The following RXRA variants were observed in gnomAD, a reference collection of about 807,000 sequenced individuals.
RXRA encodes the protein retinoic acid receptor RXR-alpha.
In RXRA, 5 loss-of-function variants were observed where a neutral mutation model predicts 44.5. The ratio of observed to expected loss-of-function variants is 0.11; its 90% CI spans 0.06 to 0.24. The LOEUF is 0.24. Among genes scored for constraint, RXRA ranks in the 10% least tolerant of loss-of-function variants. The pLI is 1.00. For missense variants in RXRA, 412 were observed against 646.5 expected, an observed-to-expected ratio of 0.64 and a Z score of 3.93; for synonymous variants, 291 against 271.4, an observed-to-expected ratio of 1.07 and a Z score of -0.71.
chr9:134,348,610 A>G (rs1830183265), intron 1 of RXRA, among the ~76,000 whole-genome samples: 1 of 152,186 alleles, frequency 6.6e-6, no homozygotes, highest in Admixed American at 6.5e-5. Context: ...CCAGGCTTGA[A>G]CAGCCACCCT....
intron 6 of RXRA, chr9:134,424,602 C>T (rs756693527): frequency 9.9e-5 from 98 of 985,348 alleles, no homozygotes; most frequent in Non-Finnish European, 1.1e-4. Context: ...TTCTGTCTGC[C>T]GGGGCCAGCA....
chr9:134,350,982 G>C (rs572000166), intron 1 of RXRA, among the ~76,000 whole-genome samples: 1 of 152,242 alleles, frequency 6.6e-6, no homozygotes, highest in African/African-American at 2.4e-5. Context: ...AGCAAGGGGG[G>C]GCTGAGCATC....
chr9:134,369,648 C>T (rs76933335), intron 1 of RXRA, among the ~76,000 whole-genome samples: 2,337 of 152,098 alleles, frequency 0.015, 61 homozygotes, highest in African/African-American at 0.051. Flanking sequence ...CACCCAGGGC[C>T]TCCTCCCTGT....
intron 1 of RXRA, among the ~76,000 whole-genome samples, chr9:134,338,204 C>CCT (rs1447230321): frequency 2.0e-5 from 3 of 152,142 alleles, no homozygotes; most frequent in Non-Finnish European, 4.4e-5. Context: ...CCGGGGCCTC[C>CCT]CTGGGCCTCC....
chr9:134,383,987 T>C (rs1382080527), intron 1 of RXRA, among the ~76,000 whole-genome samples: 4 of 152,074 alleles, frequency 2.6e-5, no homozygotes, highest in Non-Finnish European at 4.4e-5. Flanking sequence ...ATTATGAGAC[T>C]AGCATGTGCC....
intron 1 of RXRA, among the ~76,000 whole-genome samples, chr9:134,371,529 C>T (rs1406739496): frequency 6.6e-6 from 1 of 152,278 alleles, no homozygotes; most frequent in Non-Finnish European, 1.5e-5. Context: ...CTTTCCATAA[C>T]ATGATCTCCC....
At chr9:134,352,883 C>A (rs1185323422) in intron 1 of RXRA, among the ~76,000 whole-genome samples, 7 of 152,304 alleles carry the variant, frequency 4.6e-5, no homozygotes, top group African/African-American at 1.4e-4. Context: ...CATGGGAGTT[C>A]TCTCCTGCTT....
intron 1 of RXRA, among the ~76,000 whole-genome samples, chr9:134,332,043 G>T (rs781949837): frequency 6.6e-6 from 1 of 152,230 alleles, no homozygotes; most frequent in Non-Finnish European, 1.5e-5. Flanking sequence ...CTGGGACTGG[G>T]CATCTTGGCC....
chr9:134,331,090 G>A (rs530040998), intron 1 of RXRA, among the ~76,000 whole-genome samples: 14 of 152,308 alleles, frequency 9.2e-5, no homozygotes, highest in African/African-American at 3.4e-4. Context: ...AGCCCTTTCT[G>A]TGGATATAGG....
chr9:134,393,697 C>G (rs1043442712), intron 1 of RXRA, among the ~76,000 whole-genome samples: 4 of 152,186 alleles, frequency 2.6e-5, no homozygotes, highest in Non-Finnish European at 5.9e-5. Context: ...CCTCATGCCC[C>G]AGTTAGTGAG....
intron 1 of RXRA, among the ~76,000 whole-genome samples, chr9:134,364,945 A>G (rs1404911345): frequency 6.6e-6 from 1 of 152,170 alleles, no homozygotes; most frequent in Non-Finnish European, 1.5e-5. Context: ...ATGAGGCCTC[A>G]TGTGGGTCCC....
intron 1 of RXRA, among the ~76,000 whole-genome samples, chr9:134,395,276 G>A (rs568575728): frequency 7.9e-5 from 12 of 152,370 alleles, no homozygotes; most frequent in African/African-American, 2.4e-4. Flanking sequence ...GCGGAGTCCC[G>A]CCTGGCCTCA....
Position 134,433,280 on chromosome 9 carries a change from T to C in RXRA, c.1136-822T>C, listed in dbSNP as rs1364183865. Among the ~76,000 whole-genome samples the C allele has an allele frequency of 6.6e-6, 1 of 152,014 alleles. No homozygotes were observed. Among genetic ancestry groups the C allele is most frequent in the African/African-American group, 2.4e-5 (1 of 41,384 alleles). ...GAATCCCCATTCAGGTCCTGTGTGG[T>C]CTGGTTGCTAGAGCTGGGGCACCAG... On this transcript the variant is annotated intron_variant, in intron 8 of 9. Transcript: ENST00000481739. The surrounding 1 kb of genome is among the most constrained non-coding windows in gnomAD (Gnocchi z 4.2).
At chr9:134,423,672 G>A (rs1275150945) in intron 6 of RXRA, 3 of 985,378 alleles carry the variant, frequency 3.0e-6, no homozygotes, top group Non-Finnish European at 3.6e-6. Flanking sequence ...CCTGAGGCAT[G>A]TGGCTGTCTG....
intron 6 of RXRA, chr9:134,425,526 C>A: frequency 1.0e-6 from 1 of 973,868 alleles, no homozygotes. Context: ...TGCACAGGCA[C>A]CTCCTGCGTG....
chr9:134,408,956 G>T lies in RXRA; in HGVS notation c.447G>T (p.Val149=), dbSNP rs1337332680. ...GDRSSGKHYG[V]YSCEGCKGFF... The stretch of plus-strand genomic sequence containing the variant: ...GTCCCGCAGGCAAGCACTATGGAGT[G>T]TACAGCTGCGAGGGGTGCAAGGGCT... Residue 149 remains valine, a synonymous_variant, in exon 4 of 10, where the codon GTG becomes GTT. Transcript: ENST00000481739. 6.3e-7 allele frequency: 1 copy of T among 1,593,930 alleles called. No homozygotes were observed. The highest frequency in any genetic ancestry group is 1.3e-5 in the African/African-American group (1 of 74,140).
intron 6 of RXRA, chr9:134,422,156 C>T (rs1407335942): frequency 7.7e-7 from 1 of 1,303,462 alleles, no homozygotes; most frequent in Middle Eastern, 2.1e-4. Context: ...ACTTCCCCCT[C>T]CTGGGACACA....
intron 1 of RXRA, among the ~76,000 whole-genome samples, chr9:134,353,106 G>A (rs1564266487): frequency 6.6e-6 from 1 of 152,094 alleles, no homozygotes; most frequent in Non-Finnish European, 1.5e-5. Context: ...GGGGGAGGAG[G>A]GGCTGGGGCT....
At chr9:134,430,635 G>A (rs1831517352) in intron 7 of RXRA, among the ~76,000 whole-genome samples, 2 of 89,034 alleles carry the variant, frequency 2.2e-5, no homozygotes, top group Non-Finnish European at 3.1e-5. Context: ...TTAGTGTACA[G>A]GAGGGTCCCC....
Sources: allele counts gnomAD v4.1 joint callset (sites outside exome capture counted in the v4.1 genomes callset), GRCh38; gene constraint gnomAD v4.1.1; non-coding constraint Gnocchi (gnomAD v3.1); transcripts MANE v1.5; gene names NCBI Gene and HGNC (gene_info 2026-07-23, HGNC 2026-07-21).